Variants in ABLIM2 observed in about 807,000 individuals in gnomAD.
ABLIM2 encodes actin-binding LIM protein 2.
A neutral mutation model predicts 97.7 loss-of-function variants in ABLIM2; 53 were observed. That is an observed-to-expected ratio of 0.54 (90% confidence interval 0.44 to 0.68). ABLIM2 has a LOEUF of 0.68. Ranked by LOEUF, ABLIM2 falls within the 30% of genes least tolerant of loss-of-function variation. The pLI, the probability that ABLIM2 is intolerant of heterozygous loss-of-function variation, is 0.00. For synonymous variants in ABLIM2, 361 were observed against 345.8 expected, an observed-to-expected ratio of 1.04 and a Z score of -0.49; for missense variants, 835 against 867.2, an observed-to-expected ratio of 0.96 and a Z score of 0.47.
rs545095364 is a variant in ABLIM2, at chr4:7,966,925, C to A, written c.*65G>T. 6.0e-6 allele frequency: 5 copies of A among 837,352 alleles called. No homozygotes were observed. The Admixed American group carries it at 6.8e-5, about 11-fold the overall frequency. 51.9% of individuals were successfully genotyped at this position (837,352 alleles called of 1,614,324 possible). A position where few individuals can be genotyped will look rare whatever the true frequency, so the allele number is the denominator to read the frequency against. On this transcript the variant is annotated 3_prime_UTR_variant, in exon 21 of 21. Coordinates refer to ENST00000447017, the MANE Select transcript of ABLIM2 (RefSeq NM_001130083.2). ...GCAAGGTGTGTGGGAGGGGTGTGTGCGGTTCTCGCCAGGGGCCCCTGGCCT... is the reference window on the plus strand; with the variant it reads ...GCAAGGTGTGTGGGAGGGGTGTGTGAGGTTCTCGCCAGGGGCCCCTGGCCT...
chr4:8,094,430 G>A (rs1830367126), intron 3 of ABLIM2, among the ~76,000 whole-genome samples: 1 of 152,122 alleles, frequency 6.6e-6, no homozygotes, highest in Non-Finnish European at 1.5e-5. Flanking sequence ...CGCAATTCCT[G>A]TCCCTTTTAA....
intron 2 of ABLIM2, among the ~76,000 whole-genome samples, chr4:8,099,832 G>A (rs1328894731): frequency 2.6e-5 from 4 of 152,070 alleles, no homozygotes; most frequent in African/African-American, 9.7e-5. Context: ...GTGACAGAGT[G>A]AGACTCCATC....
rs527350605 is a variant in ABLIM2 at position 8,122,826 on chromosome 4, C to T, written c.11-16189G>A. Among the ~76,000 whole-genome samples the T allele has an allele frequency of 7.2e-5, 11 of 152,196 alleles. No homozygotes were observed. The highest frequency in any genetic ancestry group is 2.1e-4 in the South Asian group (1 of 4,830). ...AGGTTCCAAGCAGGAATGCACCTCC[C>T]CAGGCCACTGGGACCCAGGCCTCTC... On this transcript the variant is annotated intron_variant, in intron 1 of 20. Coordinates refer to ENST00000447017, the MANE Select transcript of ABLIM2 (RefSeq NM_001130083.2). The surrounding 1 kb of genome is among the most constrained non-coding windows in gnomAD (Gnocchi z 4.1).
At chr4:8,117,416 T>C (rs1441483629) in intron 1 of ABLIM2, among the ~76,000 whole-genome samples, 1 of 150,848 alleles carries the variant, frequency 6.6e-6, no homozygotes, top group Non-Finnish European at 1.5e-5. Flanking sequence ...ATTCTCCTGC[T>C]TCAGGCTCCA....
At position 8,004,508 on chromosome 4, in the gene ABLIM2, G is replaced by T. The variant is rs918737859; in HGVS notation, c.1618+3551C>A. On this transcript the variant is annotated intron_variant, in intron 16 of 20. Transcript: ENST00000447017. This position sits in a 1 kb window ranked among gnomAD's most constrained non-coding sequence, Gnocchi z 5.9. ...TTTCTAGGGGCCACTGAGTCCTCTG[G>T]GCAGTGCCTCAAGCTGCCCGGGGGT... 6.6e-6 allele frequency among the ~76,000 whole-genome samples: 1 copy of T among 152,102 alleles called. No homozygotes were observed. Among genetic ancestry groups the T allele is most frequent in the African/African-American group, 2.4e-5 (1 of 41,420 alleles).
At chr4:8,045,530 T>A (rs1199949458) in intron 8 of ABLIM2, among the ~76,000 whole-genome samples, 1 of 152,138 alleles carries the variant, frequency 6.6e-6, no homozygotes, top group Non-Finnish European at 1.5e-5. Flanking sequence ...GCACCTGTAA[T>A]CCCAGCTACT....
At chr4:8,012,558 C>T (rs1286059753) in intron 14 of ABLIM2, among the ~76,000 whole-genome samples, 1 of 150,250 alleles carries the variant, frequency 6.7e-6, no homozygotes, top group South Asian at 2.1e-4. Context: ...ACCCACTCAC[C>T]CATCTATCCA....
rs1759738082 is a variant in ABLIM2 at position 8,004,510 on chromosome 4, C to T, written c.1618+3549G>A. Reference sequence around the variant, plus strand: ...TCTAGGGGCCACTGAGTCCTCTGGGCAGTGCCTCAAGCTGCCCGGGGGTTT... The same window carrying T: ...TCTAGGGGCCACTGAGTCCTCTGGGTAGTGCCTCAAGCTGCCCGGGGGTTT... On this transcript the variant is annotated intron_variant, in intron 16 of 20. Coordinates refer to ENST00000447017, the MANE Select transcript of ABLIM2 (RefSeq NM_001130083.2). This position sits in a 1 kb window ranked among gnomAD's most constrained non-coding sequence, Gnocchi z 5.9. Among the ~76,000 whole-genome samples, 1 of 152,172 alleles carries T rather than the reference C, an allele frequency of 6.6e-6. No individual in the cohort carries two copies. The highest frequency in any genetic ancestry group is 1.5e-5 in the Non-Finnish European group (1 of 68,034).
rs1242038681 is a variant in ABLIM2 at position 8,067,876 on chromosome 4, G to A, written c.676-6822C>T. The stretch of plus-strand genomic sequence containing the variant: ...TGTCCCTCCCTCTCAGGCTGGGGTA[G>A]TATAACCGGGCTCTGTGATTCCAGA... On this transcript the variant is annotated intron_variant, in intron 6 of 20. Coordinates refer to ENST00000447017, the MANE Select transcript of ABLIM2 (RefSeq NM_001130083.2). This position sits in a 1 kb window ranked among gnomAD's most constrained non-coding sequence, Gnocchi z 5.4. Among the ~76,000 whole-genome samples the A allele has an allele frequency of 1.3e-5, 2 of 152,190 alleles. No homozygotes were observed. Among genetic ancestry groups the A allele is most frequent in the East Asian group, 1.9e-4 (1 of 5,178 alleles).
intron 1 of ABLIM2, among the ~76,000 whole-genome samples, chr4:8,135,394 C>T (rs1195479975): frequency 2.0e-5 from 3 of 152,182 alleles, no homozygotes; most frequent in Admixed American, 6.5e-5. Flanking sequence ...ATTCATGTGT[C>T]GAAGTCCTTG....
Position 8,061,932 on chromosome 4 carries a change from A to G in ABLIM2, c.676-878T>C, listed in dbSNP as rs1331614241. ...CTTCCCTAGGATGAAAACAGCCCCG[A>G]GATGGCCCCTGTGTATTGGGAGGAA... On this transcript the variant is annotated intron_variant, in intron 6 of 20. Coordinates refer to ENST00000447017, the MANE Select transcript of ABLIM2 (RefSeq NM_001130083.2). The surrounding 1 kb of genome is among the most constrained non-coding windows in gnomAD (Gnocchi z 4.5). Among the ~76,000 whole-genome samples the G allele has an allele frequency of 6.6e-6, 1 of 152,120 alleles. No individual in the cohort carries two copies. The highest frequency in any genetic ancestry group is 6.5e-5 in the Admixed American group (1 of 15,272).
intron 18 of ABLIM2, among the ~76,000 whole-genome samples, chr4:7,984,496 G>A (rs952983783): frequency 2.0e-5 from 3 of 152,248 alleles, no homozygotes; most frequent in African/African-American, 7.2e-5. Context: ...GGAGCAAGGC[G>A]CAGGCAGGGT....
rs182621255 is a variant in ABLIM2 at position 8,077,441 on chromosome 4, G to A, written c.675+187C>T. Reference sequence around the variant, plus strand: ...GCATCACAAGGCAGGCTTCCTGGAGGAGGTGGCACTGGGCAGGCCCTGGAC... The same window carrying A: ...GCATCACAAGGCAGGCTTCCTGGAGAAGGTGGCACTGGGCAGGCCCTGGAC... On this transcript the variant is annotated intron_variant, in intron 6 of 20. Coordinates refer to ENST00000447017, the MANE Select transcript of ABLIM2 (RefSeq NM_001130083.2). 1.4e-3 allele frequency among the ~76,000 whole-genome samples: 216 copies of A among 152,364 alleles called. 1 individual carries two copies. The highest frequency in any genetic ancestry group is 2.6e-3 in the Non-Finnish European group (180 of 68,042).
At position 8,128,475 on chromosome 4, in the gene ABLIM2, C is replaced by G; in HGVS notation, c.11-21838G>C. On this transcript the variant is annotated intron_variant, in intron 1 of 20. Transcript: ENST00000447017. This position sits in a 1 kb window ranked among gnomAD's most constrained non-coding sequence, Gnocchi z 4.9. ...GCATACCGAAACATGGCTAGCACCACGCAGAACAGAGTTTTAGATTTTATT... is the reference window on the plus strand; with the variant it reads ...GCATACCGAAACATGGCTAGCACCAGGCAGAACAGAGTTTTAGATTTTATT... Among the ~76,000 whole-genome samples the G allele has an allele frequency of 6.6e-6, 1 of 152,188 alleles. No individual in the cohort carries two copies. Among genetic ancestry groups the G allele is most frequent in the East Asian group, 1.9e-4 (1 of 5,200 alleles).
In ABLIM2 at chr4:7,988,554, C is replaced by T. The variant is rs187054993; in HGVS notation, c.1681-3661G>A. Among the ~76,000 whole-genome samples the T allele has an allele frequency of 1.7e-3, 265 of 152,332 alleles. 1 individual carries two copies. The highest frequency in any genetic ancestry group is 3.4e-3 in the Non-Finnish European group (232 of 68,028). ...TAGGAATTGAGATTATGGCCATTTG[C>T]CACTGGTCACCCTTCTTTCCTTGCT... On this transcript the variant is annotated intron_variant, in intron 17 of 20. Transcript: ENST00000447017.
chr4:8,020,512 G>C, intron 12 of ABLIM2: 1 of 655,044 alleles, frequency 1.5e-6, no homozygotes, highest in East Asian at 2.7e-5. Flanking sequence ...CTGAGTTGAA[G>C]TCTGTCCAGA....
chr4:7,974,714 TATCCACCCATCC>T (rs1206239988), intron 20 of ABLIM2, among the ~76,000 whole-genome samples: 3 of 142,672 alleles, frequency 2.1e-5, no homozygotes, highest in Non-Finnish European at 4.6e-5. Context: ...CCCATGCATC[TATCCACCCATCC>T]ATCCACCCAC....
intron 1 of ABLIM2, among the ~76,000 whole-genome samples, chr4:8,131,334 A>G (rs1235491102): frequency 6.6e-6 from 1 of 152,012 alleles, no homozygotes; most frequent in African/African-American, 2.4e-5. Context: ...TTTCTACTCA[A>G]CTCACCTTCT....
chr4:8,037,939 C>T (rs564855694), intron 9 of ABLIM2, among the ~76,000 whole-genome samples: 5 of 152,336 alleles, frequency 3.3e-5, no homozygotes, highest in Admixed American at 6.5e-5. Context: ...CCTTCCTCCG[C>T]GGTACCCCAC....
Sources: gnomAD v4.1 joint callset for allele counts (sites outside exome capture counted in the v4.1 genomes callset) on GRCh38, gnomAD v4.1.1 for gene constraint, Gnocchi (gnomAD v3.1) non-coding constraint, MANE v1.5 for transcripts, NCBI Gene and HGNC (gene_info 2026-07-23, HGNC 2026-07-21) for gene names.